Variants in OSBPL2 observed in about 807,000 individuals in gnomAD.
OSBPL2 encodes the protein oxysterol binding protein like 2.
Under a neutral mutation model 58.4 loss-of-function variants are expected in OSBPL2, and 18 were observed. The observed-to-expected ratio is 0.31, with a 90% confidence interval of 0.21 to 0.46. The LOEUF is 0.46. Ranked by LOEUF, OSBPL2 falls within the 20% of genes least tolerant of loss-of-function variation. OSBPL2 has a pLI of 1.00. For synonymous variants in OSBPL2, 221 were observed against 234.1 expected (o/e 0.94, Z 0.51); for missense variants, 461 against 616.5 (o/e 0.75, Z 2.67).
chr20:62,266,426 T>C (rs1601172625), intron 4 of OSBPL2, among the ~76,000 whole-genome samples: 1 of 152,204 alleles, frequency 6.6e-6, no homozygotes, highest in African/African-American at 2.4e-5. Context: ...AGTCCCAACA[T>C]AGACAGACTC....
rs79039745 is a variant in OSBPL2, at chr20:62,281,022, T to G, written c.675-36T>G. 5.8e-3 allele frequency: 8,974 copies of G among 1,537,940 alleles called. 399 individuals are homozygous for G. In the African/African-American group the frequency reaches 0.1, roughly 18 times the overall value. ...GGGTCACGTCGTGTCTTGGCTTTTC[T>G]GGACTCTCACTGCTTGTTTTCTGGT... On this transcript the variant is annotated intron_variant, in intron 7 of 13. Coordinates refer to ENST00000313733, the MANE Select transcript of OSBPL2 (RefSeq NM_144498.4).
Position 62,281,771 on chromosome 20 carries a change from G to T in OSBPL2, c.783-19G>T, listed in dbSNP as rs1277434963. ...GTTTGCTGTCTTGCAGCAGAAACCT[G>T]TGTTTGTTTTTCTCACAGAACTGGA... is the stretch of plus-strand genomic sequence containing the variant. On this transcript the variant is annotated intron_variant, in intron 8 of 13. Transcript: ENST00000313733. 20 of 1,575,014 alleles carry T rather than the reference G, an allele frequency of 1.3e-5. No homozygotes were observed. The highest frequency in any genetic ancestry group is 1.7e-5 in the Non-Finnish European group (19 of 1,145,570).
intron 12 of OSBPL2, among the ~76,000 whole-genome samples, chr20:62,289,773 C>T (rs372576813): frequency 2.0e-5 from 3 of 151,910 alleles, no homozygotes; most frequent in East Asian, 1.9e-4. Context: ...GTCATGGTGG[C>T]GCCCGACTGT....
At chr20:62,253,783 T>TTTTATTTATTTATTTA (rs57972667) in intron 1 of OSBPL2, among the ~76,000 whole-genome samples, 108 of 145,032 alleles carry the variant, frequency 7.4e-4, no homozygotes, top group Non-Finnish European at 7.3e-4. Context: ...AAACTCGCCC[T>TTTTATTTATTTATTTA]TTTATTTATT....
At chr20:62,281,390 T>C (rs1982773762) in intron 8 of OSBPL2, 1 of 553,954 alleles carries the variant, frequency 1.8e-6, no homozygotes, top group Non-Finnish European at 3.2e-6. Context: ...GTTGTTACTT[T>C]AAGGCTTTGA....
chr20:62,291,569 C>A (rs1354592615), intron 12 of OSBPL2, 134 bp from the exon 13 acceptor site: 12 of 789,120 alleles, frequency 1.5e-5, no homozygotes, highest in Non-Finnish European at 2.6e-5. Flanking sequence ...GTTTGGTCTC[C>A]CGATCACAGA....
intron 9 of OSBPL2, 119 bp downstream of exon 9, chr20:62,281,998 C>T: frequency 1.6e-6 from 1 of 615,368 alleles, no homozygotes; most frequent in Non-Finnish European, 3.1e-6. Context: ...TACACCAGTG[C>T]CATCTGTTCA....
chr20:62,265,215 C>T (rs920712013), intron 4 of OSBPL2, among the ~76,000 whole-genome samples: 1 of 152,128 alleles, frequency 6.6e-6, no homozygotes, highest in Non-Finnish European at 1.5e-5. Flanking sequence ...GGAGAGCTGT[C>T]CCTTCTCCCC....
At chr20:62,260,261 C>A in intron 3 of OSBPL2, 136 bp downstream of exon 3, 2 of 791,074 alleles carry the variant, frequency 2.5e-6, no homozygotes, top group Non-Finnish European at 4.1e-6. Context: ...CCCATCCGGA[C>A]AGCCTCCTCT....
At chr20:62,246,615 C>G (rs185121357) in intron 1 of OSBPL2, among the ~76,000 whole-genome samples, 66 of 152,268 alleles carry the variant, frequency 4.3e-4, no homozygotes, top group African/African-American at 1.6e-3. Flanking sequence ...CTTGGACACG[C>G]AGGGAGGGAT....
chr20:62,273,453 T>C (rs773068841), intron 6 of OSBPL2, 47 bp downstream of exon 6: 9 of 1,338,306 alleles, frequency 6.7e-6, no homozygotes, highest in African/African-American at 1.5e-5. Flanking sequence ...ATGGAATTCC[T>C]TGGATGACAG....
chr20:62,279,078 G>A, intron 6 of OSBPL2, 79 bp from the exon 7 acceptor site: 1 of 1,252,498 alleles, frequency 8.0e-7, no homozygotes, highest in Admixed American at 2.1e-5. Flanking sequence ...CCTGTGAGGG[G>A]CTCCACATGA....
At chr20:62,270,078 GC>G (rs1185478250) in intron 4 of OSBPL2, among the ~76,000 whole-genome samples, 1 of 152,214 alleles carries the variant, frequency 6.6e-6, no homozygotes, top group East Asian at 1.9e-4. Context: ...GAACCTCGCG[GC>G]CCAGGCAGAG....
At chr20:62,250,224 A>G (rs972783638) in intron 1 of OSBPL2, among the ~76,000 whole-genome samples, 28 of 152,210 alleles carry the variant, frequency 1.8e-4, no homozygotes, top group African/African-American at 6.3e-4. Context: ...TCATCTGTAT[A>G]GTTGGGTAGT....
At chr20:62,272,567 C>T (rs1257147253) in intron 5 of OSBPL2, among the ~76,000 whole-genome samples, 1 of 152,124 alleles carries the variant, frequency 6.6e-6, no homozygotes, top group Non-Finnish European at 1.5e-5. Flanking sequence ...TCTCTTGGGT[C>T]CTGTTGCACC....
At chr20:62,291,396 T>G (rs1983499246) in intron 12 of OSBPL2, 2 of 404,434 alleles carry the variant, frequency 4.9e-6, no homozygotes, top group South Asian at 4.1e-5. Flanking sequence ...GGGCATTGGG[T>G]GGTGCCTGGG....
intron 1 of OSBPL2, among the ~76,000 whole-genome samples, chr20:62,246,229 G>A (rs868227045): frequency 2.0e-5 from 3 of 152,224 alleles, no homozygotes; most frequent in South Asian, 2.1e-4. Context: ...GCCCCGGGAC[G>A]CTGTGTCCAG....
At chr20:62,240,142 C>T (rs144648592) in intron 1 of OSBPL2, among the ~76,000 whole-genome samples, 3 of 152,278 alleles carry the variant, frequency 2.0e-5, no homozygotes, top group East Asian at 1.9e-4. Flanking sequence ...TGCGAGCCAC[C>T]GCGCCCTGCC....
At chr20:62,248,873 T>A (rs1299747789) in intron 1 of OSBPL2, among the ~76,000 whole-genome samples, 2 of 151,962 alleles carry the variant, frequency 1.3e-5, no homozygotes, top group Non-Finnish European at 2.9e-5. Context: ...TTTTATTTTG[T>A]TTTTTTGTAC....
Sources: allele counts gnomAD v4.1 joint callset (sites outside exome capture counted in the v4.1 genomes callset), GRCh38; gene constraint gnomAD v4.1.1; transcripts MANE v1.5; gene names NCBI Gene and HGNC (gene_info 2026-07-23, HGNC 2026-07-21).